The following CSRP3 variants were observed in gnomAD, a reference collection of about 807,000 sequenced individuals.
The protein encoded by CSRP3 is cysteine and glycine-rich protein 3.
Under a neutral mutation model 24.3 loss-of-function variants are expected in CSRP3, and 24 were observed. That is an observed-to-expected ratio of 0.99 (90% CI 0.71 to 1.39). The LOEUF (loss-of-function observed/expected upper bound fraction) is 1.39. Among genes scored for constraint, CSRP3 ranks in the 40% most tolerant of loss-of-function variants. The probability of loss-of-function intolerance (pLI) is 0.00; values close to 1 mark genes in which losing one functional copy is unlikely to be tolerated. For synonymous variants in CSRP3, 105 were observed against 94.0 expected (o/e 1.12, Z -0.68); for missense variants, 240 against 249.0 (o/e 0.96, Z 0.24).
At chr11:19,196,144 T>A (rs1029124063) in intron 1 of CSRP3, among the ~76,000 whole-genome samples, 8 of 152,184 alleles carry the variant, frequency 5.3e-5, no homozygotes, top group South Asian at 2.1e-4. Context: ...GCACCTGTAG[T>A]CCCAGCTACT....
intron 1 of CSRP3, among the ~76,000 whole-genome samples, chr11:19,195,979 T>G (rs1387657777): frequency 6.6e-6 from 1 of 152,188 alleles, no homozygotes; most frequent in Non-Finnish European, 1.5e-5. Flanking sequence ...TAAAGCATCC[T>G]GAATCCAGGC....
In CSRP3 at chr11:19,188,152, C is replaced by A. The variant is rs367827746; in HGVS notation, c.265G>T (p.Gly89Cys). 5 of 1,614,002 alleles carry A rather than the reference C, an allele frequency of 3.1e-6. No individual in the cohort carries two copies. Among genetic ancestry groups the A allele is most frequent in the East Asian group, 2.2e-5 (1 of 44,890 alleles). Residue 89 changes from glycine (G) to cysteine (C), a missense_variant, in exon 3 of 6, where the codon GGC becomes TGC. By Grantham distance (159) the Gly-to-Cys change is radical. Transcript: ENST00000265968. ...CLSTDTGEHL[G>C]LQFQQSPKPA... ...GTAACTCACTGTTGGAACTGCAGGCCGAGATGCTCGCCCGTGTCTGTGCTG... is the reference window on the plus strand; with the variant it reads ...GTAACTCACTGTTGGAACTGCAGGCAGAGATGCTCGCCCGTGTCTGTGCTG...
rs964773966 is a variant in CSRP3 at position 19,192,749 on chromosome 11, C to T, written c.-28-273G>A. On this transcript the variant is annotated intron_variant, in intron 1 of 5. Coordinates refer to ENST00000265968, the MANE Select transcript of CSRP3 (RefSeq NM_003476.5). ...ATTCCTATGTATCTCACAGGGCTCCCGGAAGGAATGAATAGGCTAATTTCA... is the reference window on the plus strand; with the variant it reads ...ATTCCTATGTATCTCACAGGGCTCCTGGAAGGAATGAATAGGCTAATTTCA... 3.3e-5 allele frequency among the ~76,000 whole-genome samples: 5 copies of T among 152,038 alleles called. No individual in the cohort carries two copies. The Middle Eastern group carries it at 0.01, about 310-fold the overall frequency.
chr11:19,193,795 G>T (rs2133518089), intron 1 of CSRP3, among the ~76,000 whole-genome samples: 1 of 152,286 alleles, frequency 6.6e-6, no homozygotes, highest in Middle Eastern at 3.4e-3. Context: ...TCCAGCCTGG[G>T]CAACAGAGCG....
At chr11:19,182,895 G>A (rs911515459) in intron 5 of CSRP3, 149 bp from the exon 6 acceptor site, 5 of 703,318 alleles carry the variant, frequency 7.1e-6, no homozygotes, top group Non-Finnish European at 1.0e-5. Flanking sequence ...GGTGGCTCAT[G>A]CCTGTAATCC....
At chr11:19,191,405 G>A (rs149043208) in intron 2 of CSRP3, among the ~76,000 whole-genome samples, 79 of 152,242 alleles carry the variant, frequency 5.2e-4, no homozygotes, top group African/African-American at 1.8e-3. Context: ...GGGACTAGTC[G>A]GGGAGGGGGC....
At position 19,186,328 on chromosome 11, in the gene CSRP3, G is replaced by T; in HGVS notation, c.302C>A (p.Ser101Ter). The T allele has an allele frequency of 6.2e-7, 1 of 1,614,212 alleles. No homozygotes were observed. The highest frequency in any genetic ancestry group is 8.5e-7 in the Non-Finnish European group (1 of 1,180,040). The change falls in exon 4 of 6, where the codon TCA becomes TAA. Residue 101 changes from serine (S) to a stop codon, truncating the protein, a stop_gained. Coordinates refer to ENST00000265968, the MANE Select transcript of CSRP3 (RefSeq NM_003476.5). LOFTEE classifies it high-confidence loss of function. ...QFQQSPKPAR[S>*]VTTSNPSKFT... Reference sequence around the variant, plus strand: ...TTTGGAAGGGTTGCTGGTGGTAACTGAGCGTGCCGGCTTTGGGGACCTGTT... The same window carrying T: ...TTTGGAAGGGTTGCTGGTGGTAACTTAGCGTGCCGGCTTTGGGGACCTGTT...
At chr11:19,192,295 G>T in intron 2 of CSRP3, 42 bp downstream of exon 2, 1 of 1,329,446 alleles carries the variant, frequency 7.5e-7, no homozygotes, top group Non-Finnish European at 1.1e-6. Context: ...TTGTGATGCT[G>T]TCCGGATGCT....
intron 3 of CSRP3, among the ~76,000 whole-genome samples, chr11:19,187,609 A>T (rs1850548391): frequency 6.6e-6 from 1 of 152,192 alleles, no homozygotes; most frequent in South Asian, 2.1e-4. Flanking sequence ...CTAGCACTGT[A>T]TTGGCAACAG....
At chr11:19,193,491 A>G (rs796729944) in intron 1 of CSRP3, among the ~76,000 whole-genome samples, 7 of 152,328 alleles carry the variant, frequency 4.6e-5, no homozygotes, top group African/African-American at 1.7e-4. Context: ...TTTAAGAGAT[A>G]TTAACCAAAG....
chr11:19,183,021 G>A (rs1278789032), intron 5 of CSRP3, among the ~76,000 whole-genome samples: 22 of 152,096 alleles, frequency 1.4e-4, no homozygotes, highest in Admixed American at 1.3e-3. Context: ...AGCTGGGCAT[G>A]GTGGCATGTA....
In CSRP3 at chr11:19,197,134, C is replaced by A. The variant is rs1029527068; in HGVS notation, c.-28-4658G>T. ...TTCAGTGTCTTCACTAGAATGAGGG[C>A]AATAATCCTTTTGATTTCACTATTG... is the stretch of plus-strand genomic sequence containing the variant. On this transcript the variant is annotated intron_variant, in intron 1 of 5. Coordinates refer to ENST00000265968, the MANE Select transcript of CSRP3 (RefSeq NM_003476.5). 3.3e-5 allele frequency among the ~76,000 whole-genome samples: 5 copies of A among 152,050 alleles called. 1 individual carries two copies. Among genetic ancestry groups the A allele is most frequent in the African/African-American group, 1.2e-4 (5 of 41,378 alleles).
At chr11:19,188,454 T>C in intron 2 of CSRP3, 150 bp from the exon 3 acceptor site, 2 of 761,224 alleles carry the variant, frequency 2.6e-6, no homozygotes, top group Non-Finnish European at 4.3e-6. Context: ...GTATCTGCCC[T>C]GAGTTGTGCA....
rs1257113692 is a variant in CSRP3, at chr11:19,192,412, A to G, written c.37T>C (p.Cys13Arg). The change falls in exon 2 of 6, where the codon TGT becomes CGT. Residue 13 changes from cysteine to arginine, a missense_variant. Coordinates refer to ENST00000265968, the MANE Select transcript of CSRP3 (RefSeq NM_003476.5). The stretch of plus-strand genomic sequence containing the variant: ...TCTGCATGGTAGACGGTCTTTTCAC[A>G]GGCTCCACATTTTGCGCCTCCGCCC... Reference protein sequence around the residue: ...NWGGGAKCGACEKTVYHAEEI... With the variant: ...NWGGGAKCGAREKTVYHAEEI... 6.2e-7 allele frequency: 1 copy of G among 1,614,074 alleles called. No individual in the cohort carries two copies. The highest frequency in any genetic ancestry group is 8.5e-7 in the Non-Finnish European group (1 of 1,180,040).
chr11:19,186,094 A>G, intron 4 of CSRP3, 122 bp downstream of exon 4: 6 of 1,312,124 alleles, frequency 4.6e-6, no homozygotes, highest in Non-Finnish European at 5.5e-6. Context: ...TGTGGTTTCT[A>G]AAGTTGTTCT....
intron 5 of CSRP3, 124 bp downstream of exon 5, chr11:19,184,828 G>A: frequency 1.3e-6 from 1 of 788,386 alleles, no homozygotes; most frequent in East Asian, 2.6e-5. Context: ...ACCCAACGCT[G>A]CCCAGGCTGA....
intron 2 of CSRP3, among the ~76,000 whole-genome samples, chr11:19,191,142 T>C (rs1323568883): frequency 6.6e-6 from 1 of 152,182 alleles, no homozygotes; most frequent in Non-Finnish European, 1.5e-5. Flanking sequence ...AGTGGAGAAA[T>C]TGAGGTTCAC....
chr11:19,184,016 G>A (rs985669232), intron 5 of CSRP3, among the ~76,000 whole-genome samples: 9 of 152,132 alleles, frequency 5.9e-5, no homozygotes, highest in African/African-American at 1.9e-4. Context: ...CCATGATTGC[G>A]AGGCCTCCCC....
chr11:19,191,976 T>G (rs1164308490), intron 2 of CSRP3, among the ~76,000 whole-genome samples: 1 of 152,226 alleles, frequency 6.6e-6, no homozygotes, highest in Non-Finnish European at 1.5e-5. Flanking sequence ...AAATCCATCC[T>G]GGCTTCAGAT....
Sources: allele counts gnomAD v4.1 joint callset (sites outside exome capture counted in the v4.1 genomes callset), GRCh38; gene constraint gnomAD v4.1.1; transcripts MANE v1.5; gene names NCBI Gene and HGNC (gene_info 2026-07-23, HGNC 2026-07-21).